Variants in SYNPO2L observed in about 807,000 individuals in gnomAD.
SYNPO2L encodes the protein synaptopodin 2-like protein.
A neutral mutation model predicts 47.5 loss-of-function variants in SYNPO2L; 34 were observed. That is an observed-to-expected ratio of 0.72 (90% confidence interval 0.54 to 0.95). SYNPO2L has a LOEUF of 0.95. SYNPO2L is among the 40% of genes least tolerant of loss of function. The pLI is 0.00. For synonymous variants in SYNPO2L, 536 were observed against 524.9 expected (o/e 1.02, Z -0.29); for missense variants, 1,246 against 1,282.0 (o/e 0.97, Z 0.43).
At chr10:73,651,907 C>G (rs1316988778) in intron 3 of SYNPO2L, among the ~76,000 whole-genome samples, 1 of 151,740 alleles carries the variant, frequency 6.6e-6, no homozygotes, top group Non-Finnish European at 1.5e-5. Flanking sequence ...AACGCCGTCT[C>G]TACTAAAAAT....
In SYNPO2L at chr10:73,645,051, A is replaced by G; in HGVS notation, c.*1667T>C. 1.6e-6 allele frequency: 2 copies of G among 1,266,428 alleles called. No homozygotes were observed. Among genetic ancestry groups the G allele is most frequent in the Non-Finnish European group, 2.1e-6 (2 of 974,452 alleles). 78.4% of individuals were successfully genotyped at this position (1,266,428 alleles called of 1,614,324 possible). ...TTGGAGATCAGGACCTGAAGCTGAA[A>G]AGAAGCAATAGCTGGGGTTTTGAGG... On this transcript the variant is annotated 3_prime_UTR_variant, in exon 4 of 4. Coordinates refer to ENST00000394810, the MANE Select transcript of SYNPO2L (RefSeq NM_001114133.3).
chr10:73,647,013 T>G lies in SYNPO2L; in HGVS notation c.2639A>C (p.Lys880Thr). 1 of 1,613,494 alleles carries G rather than the reference T, an allele frequency of 6.2e-7. No individual in the cohort carries two copies. Among genetic ancestry groups the G allele is most frequent in the East Asian group, 2.2e-5 (1 of 44,850 alleles). The change falls in exon 4 of 4, where the codon AAA becomes ACA. Residue 880 changes from lysine (K) to threonine (T), a missense_variant. By Grantham distance (78) the Lys-to-Thr change is moderately conservative. Coordinates refer to ENST00000394810, the MANE Select transcript of SYNPO2L (RefSeq NM_001114133.3). ...TPGPIASGSP[K>T]TARVQEIRRF... is the part of the protein sequence containing the mutation. ...GCGAATCTCCTGGACTCGGGCAGTT[T>G]TGGGGGACCCTGAGGCGATAGGGCC...
At chr10:73,650,900 G>T (rs372026652) in intron 3 of SYNPO2L, 1 of 1,608,798 alleles carries the variant, frequency 6.2e-7, no homozygotes, top group African/African-American at 1.3e-5. Context: ...GATATGGGAG[G>T]GTAGTACCTG....
chr10:73,646,515 CAA>C lies in SYNPO2L; in HGVS notation c.*201_*202del, dbSNP rs1289992249. 2 of 1,241,374 alleles carry C rather than the reference CAA, an allele frequency of 1.6e-6. No homozygotes were observed. The highest frequency in any genetic ancestry group is 2.0e-6 in the Non-Finnish European group (2 of 993,620). The allele number at this position is 1,241,374 out of a possible 1,614,324, so 76.9% of individuals were successfully genotyped here. Reference sequence around the variant, plus strand: ...CAGAGACAAAGAGAGGCAAAGATACCAAAGCAGACATACTTGGTTGGAAAGCG... The same window carrying C: ...CAGAGACAAAGAGAGGCAAAGATACCAGCAGACATACTTGGTTGGAAAGCG... On this transcript the variant is annotated 3_prime_UTR_variant, in exon 4 of 4. Coordinates refer to ENST00000394810, the MANE Select transcript of SYNPO2L (RefSeq NM_001114133.3).
rs1396485927 is a variant in SYNPO2L at position 73,653,167 on chromosome 10, G to T, written c.744C>A (p.Thr248=). The T allele has an allele frequency of 1.4e-6, 2 of 1,454,262 alleles. No homozygotes were observed. Among genetic ancestry groups the T allele is most frequent in the Non-Finnish European group, 9.1e-7 (1 of 1,098,844 alleles). 90.1% of individuals were successfully genotyped at this position (1,454,262 alleles called of 1,614,324 possible). ...CTTGCTTGGCCTTCTGGGTGTAGGT[G>T]GTAGTAAGATCTTCTGCCACTGGGT... ...VPHPVAEDLT[T]TYTQKAKQAK... The change falls in exon 3 of 4, where the codon ACC becomes ACA. Residue 248 remains threonine (T), a synonymous_variant. Coordinates refer to ENST00000394810, the MANE Select transcript of SYNPO2L (RefSeq NM_001114133.3).
intron 3 of SYNPO2L, chr10:73,651,095 G>A (rs2081838117): frequency 2.1e-6 from 3 of 1,453,632 alleles, no homozygotes; most frequent in African/African-American, 2.9e-5. Flanking sequence ...CCCCAGAGCT[G>A]GCAGCTGAAT....
Position 73,648,017 on chromosome 10 carries a change from T to C in SYNPO2L, c.1635A>G (p.Thr545=). 6.3e-7 allele frequency: 1 copy of C among 1,584,634 alleles called. No homozygotes were observed. Residue 545 remains threonine, a synonymous_variant, in exon 4 of 4, where the codon ACA becomes ACG. Coordinates refer to ENST00000394810, the MANE Select transcript of SYNPO2L (RefSeq NM_001114133.3). The part of the protein sequence containing the change: ...PSTPRSSGPV[T]ATSSLYIPAP... ...CTGGGATGTACAGGGAGCTGGTGGC[T>C]GTCACAGGGCCCGAGGAGCGTGGGG...
Position 73,646,733 on chromosome 10 carries a change from C to T in SYNPO2L, c.2919G>A (p.Gly973=). The T allele has an allele frequency of 6.7e-7, 1 of 1,495,974 alleles. No individual in the cohort carries two copies. Among genetic ancestry groups the T allele is most frequent in the Non-Finnish European group, 8.9e-7 (1 of 1,122,264 alleles). 92.7% of individuals were successfully genotyped at this position (1,495,974 alleles called of 1,614,324 possible). A position where few individuals can be genotyped will look rare whatever the true frequency, so the allele number is the denominator to read the frequency against. ...CTGTGCCTGTTCACTGGTGCCCTGC[C>T]CCAGGCCTCCACACATGAGCTTGCA... ...TGLQAHVWRP[G]AGHQ Residue 973 remains glycine, a synonymous_variant, in exon 4 of 4, where the codon GGG becomes GGA. Coordinates refer to ENST00000394810, the MANE Select transcript of SYNPO2L (RefSeq NM_001114133.3).
chr10:73,648,353 A>G lies in SYNPO2L; in HGVS notation c.1299T>C (p.Ala433=), dbSNP rs766960176. Residue 433 remains alanine, a synonymous_variant, in exon 4 of 4, where the codon GCT becomes GCC. Transcript: ENST00000394810. The part of the protein sequence containing the change: ...PRAQSAPPEA[A]VLPPSPLPAP... ...CCGGCAAGGGGCTGGGTGGGAGCAC[A>G]GCTGCCTCTGGGGGAGCACTCTGGG... The G allele has an allele frequency of 9.3e-6, 15 of 1,605,398 alleles. No individual in the cohort carries two copies. In the South Asian group the frequency reaches 1.7e-4, roughly 18 times the overall value.
chr10:73,647,593 T>C lies in SYNPO2L; in HGVS notation c.2059A>G (p.Met687Val). 6.2e-7 allele frequency: 1 copy of C among 1,613,898 alleles called. No individual in the cohort carries two copies. The highest frequency in any genetic ancestry group is 8.5e-7 in the Non-Finnish European group (1 of 1,179,848). ...LSLGAEACNF[M>V]QPVGARSYKT... ...TAACTCCTGGCCCCTACTGGCTGCA[T>C]GAAGTTGCAGGCTTCAGCCCCGAGG... The change falls in exon 4 of 4, where the codon ATG becomes GTG. Residue 687 changes from methionine (M) to valine (V), a missense_variant. Around this residue, in one of 3 missense-constraint regions of SYNPO2L, gnomAD observed 1,037 missense variants for 1,021.5 expected, o/e 1.02. Coordinates refer to ENST00000394810, the MANE Select transcript of SYNPO2L (RefSeq NM_001114133.3).
Position 73,645,826 on chromosome 10 carries a change from G to A in SYNPO2L, c.*892C>T. 1.0e-6 allele frequency: 1 copy of A among 984,968 alleles called. No homozygotes were observed. The highest frequency in any genetic ancestry group is 1.2e-6 in the Non-Finnish European group (1 of 829,372). The allele number at this position is 984,968 out of a possible 1,614,324, so 61.0% of individuals were successfully genotyped here. On this transcript the variant is annotated 3_prime_UTR_variant, in exon 4 of 4. Transcript: ENST00000394810. Reference sequence around the variant, plus strand: ...CGATAAGACTCAGATTGGGTCTTTTGTTTGTTTGTTTGTTTTGAGACAGAG... The same window carrying A: ...CGATAAGACTCAGATTGGGTCTTTTATTTGTTTGTTTGTTTTGAGACAGAG...
chr10:73,648,986 C>G, intron 3 of SYNPO2L, 107 bp from the exon 4 acceptor site: 3 of 1,360,340 alleles, frequency 2.2e-6, no homozygotes, highest in Non-Finnish European at 2.8e-6. Context: ...CTTGCACTGA[C>G]CCGACCCACA....
At chr10:73,652,997 C>T in intron 3 of SYNPO2L, 142 bp downstream of exon 3, 1 of 1,007,736 alleles carries the variant, frequency 9.9e-7, no homozygotes, top group Non-Finnish European at 1.3e-6. Context: ...AATAATTATG[C>T]TCCCCTTCTA....
intron 3 of SYNPO2L, chr10:73,650,980 C>CT: frequency 1.2e-6 from 2 of 1,613,760 alleles, no homozygotes; most frequent in Non-Finnish European, 1.7e-6. Context: ...CTGAGGGGCT[C>CT]TTGGCTGATG....
rs191002914 is a variant in SYNPO2L at position 73,655,995 on chromosome 10, G to A, written c.-73C>T. On this transcript the variant is annotated 5_prime_UTR_variant, in exon 1 of 4. It adds an upstream start codon to the 5' untranslated region. Transcript: ENST00000394810. ...AGAGAAGTTGAGGTGCTCGAACCCCGTCTGGGCTTCCTGTCCGGCTGTCCT... is the reference window on the plus strand; with the variant it reads ...AGAGAAGTTGAGGTGCTCGAACCCCATCTGGGCTTCCTGTCCGGCTGTCCT... 1.9e-5 allele frequency: 25 copies of A among 1,319,354 alleles called. No individual in the cohort carries two copies. Among genetic ancestry groups the A allele is most frequent in the East Asian group, 1.3e-4 (5 of 38,784 alleles). The allele number at this position is 1,319,354 out of a possible 1,614,324, so 81.7% of individuals were successfully genotyped here. A position where few individuals can be genotyped will look rare whatever the true frequency, so the allele number is the denominator to read the frequency against.
At position 73,645,709 on chromosome 10, in the gene SYNPO2L, A is replaced by G; in HGVS notation, c.*1009T>C. ...TTTCACAAGATGCTGTACACCTGCT[A>G]CAGACATTGGTCTCTAAGGAGTTAT... On this transcript the variant is annotated 3_prime_UTR_variant, in exon 4 of 4. Transcript: ENST00000394810. 1 of 986,046 alleles carries G rather than the reference A, an allele frequency of 1.0e-6. No homozygotes were observed. Among genetic ancestry groups the G allele is most frequent in the Non-Finnish European group, 1.2e-6 (1 of 830,062 alleles). 61.1% of individuals were successfully genotyped at this position (986,046 alleles called of 1,614,324 possible).
At position 73,648,287 on chromosome 10, in the gene SYNPO2L, T is replaced by C; in HGVS notation, c.1365A>G (p.Gly455=). The C allele has an allele frequency of 3.7e-6, 6 of 1,602,258 alleles. No homozygotes were observed. The highest frequency in any genetic ancestry group is 4.2e-6 in the Non-Finnish European group (5 of 1,178,936). The change falls in exon 4 of 4, where the codon GGA becomes GGG. Residue 455 remains glycine (G), a synonymous_variant. Transcript: ENST00000394810. The stretch of plus-strand genomic sequence containing the variant: ...AGATGCTTGGAGCTGGGGTCGGGGC[T>C]CCACCACCTGGTTGGAAGGGTCTGG... ...ASPRPFQPGG[G]APTPAPSIFN...
At chr10:73,653,933 C>A in intron 2 of SYNPO2L, 196 bp downstream of exon 2, 1 of 784,490 alleles carries the variant, frequency 1.3e-6, no homozygotes, top group Non-Finnish European at 2.0e-6. Context: ...CAAATACCCA[C>A]TGACATCCCC....
intron 3 of SYNPO2L, 73 bp from the exon 4 acceptor site, chr10:73,648,952 A>C: frequency 1.4e-6 from 2 of 1,395,732 alleles, no homozygotes; most frequent in Admixed American, 3.0e-5. Context: ...CAAGGCTTTC[A>C]CCCCCCATCC....
Sources: allele counts gnomAD v4.1 joint callset (sites outside exome capture counted in the v4.1 genomes callset), GRCh38; gene constraint gnomAD v4.1.1; regional missense constraint gnomAD v4.1.1; transcripts MANE v1.5; gene names NCBI Gene and HGNC (gene_info 2026-07-23, HGNC 2026-07-21).